The following PTPRG variants were observed in gnomAD, a reference collection of about 807,000 sequenced individuals.
PTPRG encodes the protein receptor-type tyrosine-protein phosphatase gamma.
A neutral mutation model predicts 165.3 loss-of-function variants in PTPRG; 102 were observed. The observed-to-expected ratio is 0.62, with a 90% CI of 0.53 to 0.73. The LOEUF (loss-of-function observed/expected upper bound fraction) is 0.73, where lower values mean the gene tolerates loss of function less well. Among genes scored for constraint, PTPRG ranks in the 30% least tolerant of loss-of-function variants. The pLI, the probability that PTPRG is intolerant of heterozygous loss-of-function variation, is 0.00. For missense variants in PTPRG, 1,866 were observed against 1,861.4 expected (o/e 1.00, Z -0.05); for synonymous variants, 675 against 669.5 (o/e 1.01, Z -0.13).
At chr3:62,058,964 A>C (rs899454077) in intron 4 of PTPRG, among the ~76,000 whole-genome samples, 1 of 152,184 alleles carries the variant, frequency 6.6e-6, no homozygotes, top group African/African-American at 2.4e-5. Context: ...ACTCTACCAC[A>C]GAACTCTGCT....
At chr3:62,202,338 AC>A (rs570135550) in intron 11 of PTPRG, among the ~76,000 whole-genome samples, 2 of 152,138 alleles carry the variant, frequency 1.3e-5, no homozygotes, top group Non-Finnish European at 2.9e-5. Flanking sequence ...CAGGTCATGT[AC>A]CTTGTGTAAG....
chr3:61,593,050 C>T lies in PTPRG; in HGVS notation c.85+30678C>T, dbSNP rs78476560. Among the ~76,000 whole-genome samples the T allele has an allele frequency of 8.4e-3, 1,282 of 152,268 alleles. 16 individuals carry two copies. The highest frequency in any genetic ancestry group is 0.029 in the African/African-American group (1,212 of 41,546). On this transcript the variant is annotated intron_variant, in intron 1 of 29. Coordinates refer to ENST00000474889, the MANE Select transcript of PTPRG (RefSeq NM_002841.4). ...GCTCTGGTCAGCAGCATCACCATTACCTGGAAGCTTGTTGGAAATGCAGAC... is the reference window on the plus strand; with the variant it reads ...GCTCTGGTCAGCAGCATCACCATTATCTGGAAGCTTGTTGGAAATGCAGAC...
At chr3:61,742,781 A>T in intron 1 of PTPRG, 1 of 1,611,516 alleles carries the variant, frequency 6.2e-7, no homozygotes, top group South Asian at 1.1e-5. Flanking sequence ...GAGGCCAAAA[A>T]CGCATCATAC....
chr3:61,984,792 T>A (rs2040718659), intron 2 of PTPRG, among the ~76,000 whole-genome samples: 1 of 152,224 alleles, frequency 6.6e-6, no homozygotes, highest in African/African-American at 2.4e-5. Flanking sequence ...ATTGTCTGTG[T>A]CTCCTTAATC....
chr3:61,859,618 T>TC (rs35211080), intron 2 of PTPRG, among the ~76,000 whole-genome samples: 6 of 151,830 alleles, frequency 4.0e-5, no homozygotes, highest in Non-Finnish European at 5.9e-5. Flanking sequence ...ATAGTTTTTT[T>TC]TTTTTTGGTC....
In PTPRG at chr3:62,013,232, A is replaced by G. The variant is rs573296172; in HGVS notation, c.519+9735A>G. On this transcript the variant is annotated intron_variant, in intron 4 of 29. Transcript: ENST00000474889. ...GTATCGCTGAGACATAGTACATTCT[A>G]TTTTTATACTATGTCCTTGAAGTCT... Among the ~76,000 whole-genome samples the G allele has an allele frequency of 4.6e-5, 7 of 152,272 alleles. No homozygotes were observed. In the East Asian group the frequency reaches 5.8e-4, roughly 13 times the overall value.
chr3:61,705,836 A>G (rs990883462), intron 1 of PTPRG, among the ~76,000 whole-genome samples: 1 of 152,206 alleles, frequency 6.6e-6, no homozygotes, highest in Admixed American at 6.5e-5. Flanking sequence ...GCCCTCTTCA[A>G]TGGCACCCAT....
chr3:62,108,452 C>T (rs572151097), intron 5 of PTPRG, among the ~76,000 whole-genome samples: 1 of 152,278 alleles, frequency 6.6e-6, no homozygotes, highest in East Asian at 1.9e-4. Flanking sequence ...CATTGATGGA[C>T]ATTTGGGTTG....
chr3:62,127,996 C>T (rs751470609), intron 5 of PTPRG, among the ~76,000 whole-genome samples: 1 of 152,070 alleles, frequency 6.6e-6, no homozygotes, highest in South Asian at 2.1e-4. Flanking sequence ...ATTTCATGAG[C>T]GTTTATGTGA....
chr3:61,619,755 G>C (rs947687018), intron 1 of PTPRG, among the ~76,000 whole-genome samples: 1 of 152,206 alleles, frequency 6.6e-6, no homozygotes, highest in African/African-American at 2.4e-5. Context: ...TAGTGGCATA[G>C]CAGGTAACTG....
chr3:61,604,746 T>A (rs545156977), intron 1 of PTPRG, among the ~76,000 whole-genome samples: 18 of 150,154 alleles, frequency 1.2e-4, no homozygotes, highest in Non-Finnish European at 2.4e-4. Flanking sequence ...TGAGTTTTTT[T>A]TTCCCCCTAG....
chr3:62,045,045 G>A (rs1700245125), intron 4 of PTPRG, among the ~76,000 whole-genome samples: 1 of 152,154 alleles, frequency 6.6e-6, no homozygotes, highest in African/African-American at 2.4e-5. Flanking sequence ...ATGGGGAAGG[G>A]GTGTTGGTGT....
intron 5 of PTPRG, among the ~76,000 whole-genome samples, chr3:62,102,173 C>T (rs7644801): frequency 0.67 from 102,014 of 152,046 alleles, 34,546 homozygotes; most frequent in Middle Eastern, 0.78. Context: ...TTTTTGCATC[C>T]TTAGTGCCTG....
intron 2 of PTPRG, among the ~76,000 whole-genome samples, chr3:61,857,931 T>C (rs1363198266): frequency 6.6e-6 from 1 of 152,180 alleles, no homozygotes; most frequent in Non-Finnish European, 1.5e-5. Flanking sequence ...TCCCTGCCTC[T>C]ATCCACTGGA....
At chr3:62,208,850 C>T (rs951955418) in intron 12 of PTPRG, among the ~76,000 whole-genome samples, 2 of 152,242 alleles carry the variant, frequency 1.3e-5, no homozygotes, top group African/African-American at 4.8e-5. Flanking sequence ...AGAAGGCCAG[C>T]TGCATATGTC....
chr3:61,748,790 G>T, intron 1 of PTPRG, 88 bp from the exon 2 acceptor site: 2 of 1,022,414 alleles, frequency 2.0e-6, no homozygotes, highest in African/African-American at 1.6e-5. Context: ...ATGATTCTAC[G>T]AAGTCACCCA....
At chr3:62,099,089 T>C (rs1301162024) in intron 5 of PTPRG, among the ~76,000 whole-genome samples, 1 of 152,220 alleles carries the variant, frequency 6.6e-6, no homozygotes, top group Non-Finnish European at 1.5e-5. Flanking sequence ...TCTTATTTGC[T>C]CTTGAAATTC....
intron 4 of PTPRG, among the ~76,000 whole-genome samples, chr3:62,059,315 A>G (rs576652018): frequency 2.0e-5 from 3 of 152,254 alleles, no homozygotes; most frequent in South Asian, 2.1e-4. Context: ...TCCTCATTCC[A>G]TTCCCCTACT....
chr3:62,218,553 G>A (rs1700568899), intron 12 of PTPRG, among the ~76,000 whole-genome samples: 1 of 152,138 alleles, frequency 6.6e-6, no homozygotes, highest in Admixed American at 6.5e-5. Context: ...TCATGTTCTT[G>A]GGGTAAGGCT....
Sources: gnomAD v4.1 joint callset for allele counts (sites outside exome capture counted in the v4.1 genomes callset) on GRCh38, gnomAD v4.1.1 for gene constraint, MANE v1.5 for transcripts, NCBI Gene and HGNC (gene_info 2026-07-23, HGNC 2026-07-21) for gene names.